Variants in GRM6 observed in about 807,000 individuals in gnomAD.
GRM6 encodes the protein metabotropic glutamate receptor 6.
In GRM6, 73 loss-of-function variants were observed where a neutral mutation model predicts 78.4. That is an observed-to-expected ratio of 0.93 (90% CI 0.77 to 1.13). GRM6 has a LOEUF of 1.13. Ranked by LOEUF, GRM6 falls within the 50% of genes most tolerant of loss-of-function variation. GRM6 has a pLI of 0.00. For missense variants in GRM6, 1,251 were observed against 1,256.4 expected (o/e 1.00, Z 0.07); for synonymous variants, 580 against 555.0 (o/e 1.05, Z -0.63).
chr5:178,984,640 C>T (rs772514581), intron 9 of GRM6, among the ~76,000 whole-genome samples: 8 of 152,098 alleles, frequency 5.3e-5, no homozygotes, highest in Admixed American at 2.0e-4. Flanking sequence ...CAGGCCGGGA[C>T]GTAGAGGGCA....
rs1760340566 is a variant in GRM6 at position 178,979,150 on chromosome 5, G to T, written c.*2507C>A. ...CCAGCTACTCAGGAGGCTGAAGCGG[G>T]AGGATTGCTTGAGCCCAGGTCGAAA... On this transcript the variant is annotated 3_prime_UTR_variant, in exon 11 of 11. Transcript: ENST00000517717. The T allele has an allele frequency of 6.6e-6, 1 of 152,246 alleles. No homozygotes were observed. The highest frequency in any genetic ancestry group is 1.5e-5 in the Non-Finnish European group (1 of 68,092). 9.4% of individuals were successfully genotyped at this position (152,246 alleles called of 1,614,324 possible). A position where few individuals can be genotyped will look rare whatever the true frequency, so the allele number is the denominator to read the frequency against.
intron 9 of GRM6, chr5:178,985,560 G>A (rs76692227): frequency 3.9e-4 from 133 of 337,098 alleles, no homozygotes; most frequent in Middle Eastern, 1.1e-3. Flanking sequence ...AAAATTAGCC[G>A]GGCGTGGTGG....
In GRM6 at chr5:178,981,819, C is replaced by T. The variant is rs766490379; in HGVS notation, c.2472G>A (p.Leu824=). The change falls in exon 11 of 11, where the codon TTG becomes TTA. Residue 824 remains leucine (L), a synonymous_variant. Transcript: ENST00000517717. This position sits in a 1 kb window ranked among gnomAD's most constrained non-coding sequence, Gnocchi z 5.1. ...YIQTTTLTVS[L]SLSASVSLGM... ...CGAGGGACACCGAGGCACTCAGGCT[C>T]AAGGACACGGTTAGCGTGGTTGTCT... 6.2e-7 allele frequency: 1 copy of T among 1,613,352 alleles called. No individual in the cohort carries two copies. The highest frequency in any genetic ancestry group is 1.1e-5 in the South Asian group (1 of 91,062).
intron 9 of GRM6, 26 bp downstream of exon 9, chr5:178,986,104 T>C (rs768123623): frequency 6.2e-7 from 1 of 1,606,184 alleles, no homozygotes; most frequent in Middle Eastern, 1.8e-4. Flanking sequence ...CTCCCTGCCC[T>C]GGCCCTTGGG....
chr5:178,983,528 C>A (rs1333575644), intron 9 of GRM6: 4 of 583,080 alleles, frequency 6.9e-6, no homozygotes, highest in South Asian at 6.2e-5. Flanking sequence ...TGTCCTCTTC[C>A]TGCATTCTAG....
chr5:178,981,669 C>T lies in GRM6; in HGVS notation c.2622G>A (p.Glu874=), dbSNP rs753684359. Reference sequence around the variant, plus strand: ...CCCACCTGCCCTGCTACTTGTGGGCCTCTGCATCCTCGCCCTTGGGTGGGG... The same window carrying T: ...CCCACCTGCCCTGCTACTTGTGGGCTTCTGCATCCTCGCCCTTGGGTGGGG... ...VAAPPKGEDA[E]AHK is the part of the protein sequence containing the mutation. Residue 874 remains glutamate (E), a synonymous_variant, in exon 11 of 11, where the codon GAG becomes GAA. Coordinates refer to ENST00000517717, the MANE Select transcript of GRM6 (RefSeq NM_000843.4). This position sits in a 1 kb window ranked among gnomAD's most constrained non-coding sequence, Gnocchi z 5.1. 6.2e-7 allele frequency: 1 copy of T among 1,613,582 alleles called. No individual in the cohort carries two copies. Among genetic ancestry groups the T allele is most frequent in the Non-Finnish European group, 8.5e-7 (1 of 1,179,606 alleles).
At position 178,994,422 on chromosome 5, in the gene GRM6, C is replaced by T; in HGVS notation, c.504+19G>A. On this transcript the variant is annotated intron_variant, in intron 2 of 10. Coordinates refer to ENST00000517717, the MANE Select transcript of GRM6 (RefSeq NM_000843.4). ...GGGAGAGGGACGCTGGACACCGAGC[C>T]CGGCCCCGCGGCCCTCACCGCAAAC... 1 of 1,489,412 alleles carries T rather than the reference C, an allele frequency of 6.7e-7. No homozygotes were observed. The highest frequency in any genetic ancestry group is 2.8e-5 in the East Asian group (1 of 35,306). 92.3% of individuals were successfully genotyped at this position (1,489,412 alleles called of 1,614,324 possible). A position where few individuals can be genotyped will look rare whatever the true frequency, so the allele number is the denominator to read the frequency against.
Position 178,986,940 on chromosome 5 carries a change from C to T in GRM6, c.1398G>A (p.Ala466=), listed in dbSNP as rs139027214. Residue 466 remains alanine, a synonymous_variant, in exon 8 of 11, where the codon GCG becomes GCA. Coordinates refer to ENST00000517717, the MANE Select transcript of GRM6 (RefSeq NM_000843.4). ...TPVMFNENGD[A]PGRYDIFQYQ... Reference sequence around the variant, plus strand: ...ACTGGAAGATGTCGTACCGCCCGGGCGCATCTCCGTTCTCGTTGAACATCA... The same window carrying T: ...ACTGGAAGATGTCGTACCGCCCGGGTGCATCTCCGTTCTCGTTGAACATCA... 289 of 1,614,080 alleles carry T rather than the reference C, an allele frequency of 1.8e-4. No individual in the cohort carries two copies. In the African/African-American group the frequency reaches 3.0e-3, roughly 17 times the overall value.
rs1076877 is a variant in GRM6, at chr5:178,994,834, G to T, written c.111C>A (p.Gly37=). 3.6e-5 allele frequency: 44 copies of T among 1,228,436 alleles called. No individual in the cohort carries two copies. Among genetic ancestry groups the T allele is most frequent in the Middle Eastern group, 6.5e-4 (2 of 3,084 alleles). 76.1% of individuals were successfully genotyped at this position (1,228,436 alleles called of 1,614,324 possible). A position where few individuals can be genotyped will look rare whatever the true frequency, so the allele number is the denominator to read the frequency against. Residue 37 remains glycine (G), a synonymous_variant, in exon 2 of 11, where the codon GGC becomes GGA. Coordinates refer to ENST00000517717, the MANE Select transcript of GRM6 (RefSeq NM_000843.4). ...ARAAGSVRLA[G]GLTLGGLFPV... is the part of the protein sequence containing the mutation. Reference sequence around the variant, plus strand: ...GGAACAGGCCGCCCAGCGTCAGGCCGCCCGCCAGGCGCACAGAGCCCGCCG... The same window carrying T: ...GGAACAGGCCGCCCAGCGTCAGGCCTCCCGCCAGGCGCACAGAGCCCGCCG...
In GRM6 at chr5:178,981,436, G is replaced by T; in HGVS notation, c.*221C>A. On this transcript the variant is annotated 3_prime_UTR_variant, in exon 11 of 11. Coordinates refer to ENST00000517717, the MANE Select transcript of GRM6 (RefSeq NM_000843.4). The surrounding 1 kb of genome is among the most constrained non-coding windows in gnomAD (Gnocchi z 5.1). ...GTGGCTGTTTCCCACCATGGGAAGC[G>T]AGTCTGGTCTGTGGTGAGGAAGCAT... 1.8e-6 allele frequency: 1 copy of T among 555,980 alleles called. No homozygotes were observed. Among genetic ancestry groups the T allele is most frequent in the South Asian group, 2.3e-5 (1 of 42,820 alleles). 34.4% of individuals were successfully genotyped at this position (555,980 alleles called of 1,614,324 possible).
chr5:178,986,000 G>A (rs2113326263), intron 9 of GRM6, 130 bp downstream of exon 9: 2 of 814,584 alleles, frequency 2.5e-6, no homozygotes, highest in Admixed American at 5.4e-5. Flanking sequence ...GGACTCAGGT[G>A]ATCCACCCAC....
rs1022191984 is a variant in GRM6 at position 178,978,787 on chromosome 5, A to C, written c.*2870T>G. ...CGGTGCAGGTCAGCTCTCACTCGAC[A>C]TAAGAGAAACCACACTGGAAGAATG... On this transcript the variant is annotated 3_prime_UTR_variant, in exon 11 of 11. Transcript: ENST00000517717. 1 of 152,254 alleles carries C rather than the reference A, an allele frequency of 6.6e-6. No homozygotes were observed. The highest frequency in any genetic ancestry group is 2.4e-5 in the African/African-American group (1 of 41,462). The allele number at this position is 152,254 out of a possible 1,614,324, so 9.4% of individuals were successfully genotyped here.
chr5:178,985,849 A>G, intron 9 of GRM6: 3 of 543,956 alleles, frequency 5.5e-6, no homozygotes, highest in Non-Finnish European at 3.4e-6. Flanking sequence ...GCAACCTTCA[A>G]CTCTTGGGCT....
Position 178,989,088 on chromosome 5 carries a change from C to A in GRM6, c.1201G>T (p.Val401Leu). Residue 401 changes from valine to leucine, a missense_variant, in exon 7 of 11, where the codon GTG becomes TTG. Val to Leu is a conservative substitution (Grantham distance 32). Coordinates refer to ENST00000517717, the MANE Select transcript of GRM6 (RefSeq NM_000843.4). ...RDSTYEQEGK[V>L]QFVIDAVYAI... Reference sequence around the variant, plus strand: ...TACACCGCATCAATCACAAACTGCACCTTGCCCTCCTGCTCGTAGGTGGAG... The same window carrying A: ...TACACCGCATCAATCACAAACTGCAACTTGCCCTCCTGCTCGTAGGTGGAG... 3 of 1,614,102 alleles carry A rather than the reference C, an allele frequency of 1.9e-6. No individual in the cohort carries two copies. The highest frequency in any genetic ancestry group is 2.5e-6 in the Non-Finnish European group (3 of 1,179,990).
chr5:178,990,800 GC>G (rs1760656937), intron 4 of GRM6, 54 bp from the exon 5 acceptor site: 1 of 1,429,178 alleles, frequency 7.0e-7, no homozygotes, highest in Non-Finnish European at 9.6e-7. Context: ...CTCCAGCTCG[GC>G]CCCCATCCCT....
At position 178,982,966 on chromosome 5, in the gene GRM6, T is replaced by C; in HGVS notation, c.2380A>G (p.Ile794Val). Residue 794 changes from isoleucine to valine, a missense_variant, in exon 10 of 11, where the codon ATC (isoleucine) becomes GTC (valine). By Grantham distance (29) the Ile-to-Val change is conservative. Coordinates refer to ENST00000517717, the MANE Select transcript of GRM6 (RefSeq NM_000843.4). ...ATGGGCACGAATGCCAGCCAGATGA[T>C]GCAGGTGGTGTACATGGTGAAGCCG... ...PIGFTMYTTC[I>V]IWLAFVPIFF... The C allele has an allele frequency of 1.2e-6, 2 of 1,614,166 alleles. No individual in the cohort carries two copies. The highest frequency in any genetic ancestry group is 1.7e-6 in the Non-Finnish European group (2 of 1,180,024).
rs1340529599 is a variant in GRM6, at chr5:178,989,073, C to T, written c.1216G>A (p.Asp406Asn). ...EQEGKVQFVI[D>N]AVYAIAHALH... ...GCGTGGGCAATGGCGTACACCGCAT[C>T]AATCACAAACTGCACCTTGCCCTCC... The change falls in exon 7 of 11, where the codon GAT (aspartate) becomes AAT (asparagine). Residue 406 changes from aspartate to asparagine, a missense_variant. Transcript: ENST00000517717. The T allele has an allele frequency of 1.2e-6, 2 of 1,614,096 alleles. No individual in the cohort carries two copies. Among genetic ancestry groups the T allele is most frequent in the South Asian group, 2.2e-5 (2 of 91,062 alleles).
chr5:178,994,736 T>G lies in GRM6; in HGVS notation c.209A>C (p.Glu70Ala). 6.9e-7 allele frequency: 1 copy of G among 1,458,084 alleles called. No individual in the cohort carries two copies. The highest frequency in any genetic ancestry group is 1.3e-5 in the South Asian group (1 of 78,322). The allele number at this position is 1,458,084 out of a possible 1,614,324, so 90.3% of individuals were successfully genotyped here. A position where few individuals can be genotyped will look rare whatever the true frequency, so the allele number is the denominator to read the frequency against. Residue 70 changes from glutamate to alanine, a missense_variant, in exon 2 of 11, where the codon GAG becomes GCG. By Grantham distance (107) the Glu-to-Ala change is moderately radical (BLOSUM62 -1). Coordinates refer to ENST00000517717, the MANE Select transcript of GRM6 (RefSeq NM_000843.4). ...LKKEQGVHRL[E>A]AMLYALDRVN... ...GCGGTCCAGCGCGTACAGCATGGCCTCCAGCCGGTGCACGCCCTGCTCCTT... is the reference window on the plus strand; with the variant it reads ...GCGGTCCAGCGCGTACAGCATGGCCGCCAGCCGGTGCACGCCCTGCTCCTT...
chr5:178,982,252 A>G (rs1300469835), intron 10 of GRM6, among the ~76,000 whole-genome samples: 2 of 152,226 alleles, frequency 1.3e-5, no homozygotes, highest in Admixed American at 1.3e-4. Flanking sequence ...TGATGCAGCA[A>G]TGGGCTGACG....
Sources: gnomAD v4.1 joint callset for allele counts (sites outside exome capture counted in the v4.1 genomes callset) on GRCh38, gnomAD v4.1.1 for gene constraint, Gnocchi (gnomAD v3.1) non-coding constraint, MANE v1.5 for transcripts, NCBI Gene and HGNC (gene_info 2026-07-23, HGNC 2026-07-21) for gene names.